Variants in PRDM15 observed in about 807,000 individuals in gnomAD.
PRDM15 encodes the protein PR/SET domain 15.
PRDM15 carries 64 observed loss-of-function variants against 128.6 expected under a neutral mutation model. The observed-to-expected ratio is 0.50, with a 90% CI of 0.41 to 0.61. The LOEUF is 0.61. Ranked by LOEUF, PRDM15 falls within the 20% of genes least tolerant of loss-of-function variation. The probability of loss-of-function intolerance (pLI) is 0.00; values close to 1 mark genes in which losing one functional copy is unlikely to be tolerated. For missense variants in PRDM15, 1,242 were observed against 1,569.1 expected (o/e 0.79, Z 3.52); for synonymous variants, 615 against 621.8 (o/e 0.99, Z 0.16).
chr21:41,869,919 C>G (rs1013201438), intron 1 of PRDM15, among the ~76,000 whole-genome samples: 2 of 152,258 alleles, frequency 1.3e-5, no homozygotes, highest in Non-Finnish European at 2.9e-5. Flanking sequence ...CCCACACTTA[C>G]GTGCATCTAT....
At chr21:41,878,582 G>C (rs1480891213) in intron 1 of PRDM15, 19 of 526,994 alleles carry the variant, frequency 3.6e-5, no homozygotes, top group African/African-American at 1.4e-4. Context: ...GTCCCCGAAC[G>C]GCCACCCACC....
intron 6 of PRDM15, among the ~76,000 whole-genome samples, chr21:41,843,968 A>G (rs557755462): frequency 0.068 from 10,192 of 150,852 alleles, 444 homozygotes; most frequent in African/African-American, 0.12. Context: ...AAAAAAAAAA[A>G]AAAGAAAGAA....
chr21:41,805,683 G>A (rs1299615659), intron 21 of PRDM15, among the ~76,000 whole-genome samples: 1 of 151,810 alleles, frequency 6.6e-6, no homozygotes, highest in Non-Finnish European at 1.5e-5. Flanking sequence ...CCAGACTGCT[G>A]TGGACGCACT....
chr21:41,834,146 C>A (rs1442724880), intron 11 of PRDM15, among the ~76,000 whole-genome samples: 1 of 152,166 alleles, frequency 6.6e-6, no homozygotes, highest in Non-Finnish European at 1.5e-5. Context: ...AGACATGGAT[C>A]CTTCAGAGCT....
At chr21:41,863,968 C>G (rs1242866578) in intron 1 of PRDM15, among the ~76,000 whole-genome samples, 1 of 152,058 alleles carries the variant, frequency 6.6e-6, no homozygotes, top group Admixed American at 6.6e-5. Flanking sequence ...CTCAGCCTCC[C>G]GAGTAGCTGG....
At chr21:41,860,690 G>A (rs1382823901) in intron 1 of PRDM15, among the ~76,000 whole-genome samples, 8 of 152,118 alleles carry the variant, frequency 5.3e-5, no homozygotes, top group Non-Finnish European at 1.2e-4. Flanking sequence ...GAAAGTGCTG[G>A]GATTACAGGT....
In PRDM15 at chr21:41,828,035, G is replaced by A; in HGVS notation, c.1534+131C>T. 1 of 843,190 alleles carries A rather than the reference G, an allele frequency of 1.2e-6. No individual in the cohort carries two copies. Among genetic ancestry groups the A allele is most frequent in the Non-Finnish European group, 1.9e-6 (1 of 535,602 alleles). The allele number at this position is 843,190 out of a possible 1,614,324, so 52.2% of individuals were successfully genotyped here. A position where few individuals can be genotyped will look rare whatever the true frequency, so the allele number is the denominator to read the frequency against. ...AGAGGATGAGCCCATCGGATGGCGG[G>A]CGTTTCCAGGCAAAGGAGCAGGCGG... On this transcript the variant is annotated intron_variant, in intron 12 of 23. Transcript: ENST00000398548. The surrounding 1 kb of genome is among the most constrained non-coding windows in gnomAD (Gnocchi z 5.7).
At chr21:41,873,141 C>T (rs2064274640) in intron 1 of PRDM15, among the ~76,000 whole-genome samples, 1 of 152,194 alleles carries the variant, frequency 6.6e-6, no homozygotes, top group South Asian at 2.1e-4. Flanking sequence ...GCATCCTGGG[C>T]CTCCCCTTCC....
chr21:41,812,432 T>C (rs1022378658), intron 19 of PRDM15: 1 of 151,864 alleles, frequency 6.6e-6, no homozygotes, highest in Non-Finnish European at 1.5e-5. Flanking sequence ...TGGAAACAGG[T>C]TTAATTAGAG....
At chr21:41,833,663 T>C in intron 11 of PRDM15, among the ~76,000 whole-genome samples, 1 of 152,320 alleles carries the variant, frequency 6.6e-6, no homozygotes, top group South Asian at 2.1e-4. Context: ...CTAGAACATC[T>C]CAGGGGAAGA....
At chr21:41,856,357 A>C (rs186678514) in intron 4 of PRDM15, among the ~76,000 whole-genome samples, 71 of 146,458 alleles carry the variant, frequency 4.8e-4, no homozygotes, top group Non-Finnish European at 8.5e-4. Context: ...TTTTTGCTGA[A>C]ATCTGCCTTA....
chr21:41,834,202 G>C (rs1195199154), intron 11 of PRDM15, among the ~76,000 whole-genome samples: 1 of 150,984 alleles, frequency 6.6e-6, no homozygotes, highest in African/African-American at 2.4e-5. Context: ...CCTCAGAACA[G>C]TCCAACCCCA....
In PRDM15 at chr21:41,821,828, T is replaced by C; in HGVS notation, c.1896+75A>G. 6.3e-7 allele frequency: 1 copy of C among 1,579,282 alleles called. No homozygotes were observed. Among genetic ancestry groups the C allele is most frequent in the South Asian group, 1.1e-5 (1 of 90,074 alleles). On this transcript the variant is annotated intron_variant, in intron 15 of 23. Coordinates refer to ENST00000398548, the MANE Select transcript of PRDM15 (RefSeq NM_001040424.3). The surrounding 1 kb of genome is among the most constrained non-coding windows in gnomAD (Gnocchi z 5.4). The stretch of plus-strand genomic sequence containing the variant: ...CCGAGATGCATGAAGGTGCCTGCTG[T>C]GTGGGGCCCACAGCCTTGAAACGAC...
chr21:41,842,278 AT>A (rs1329529757), intron 6 of PRDM15, among the ~76,000 whole-genome samples: 2 of 152,164 alleles, frequency 1.3e-5, no homozygotes, highest in Non-Finnish European at 2.9e-5. Context: ...TCACCTTTCC[AT>A]TTTTTAGTAT....
At chr21:41,819,976 G>A (rs1339255466) in intron 17 of PRDM15, 119 bp downstream of exon 17, 2 of 871,852 alleles carry the variant, frequency 2.3e-6, no homozygotes, top group African/African-American at 3.3e-5. Context: ...AACAGAGGAA[G>A]GCATGGGGGA....
intron 22 of PRDM15, 68 bp downstream of exon 22, chr21:41,804,466 T>C: frequency 8.0e-7 from 1 of 1,255,320 alleles, no homozygotes; most frequent in East Asian, 2.5e-5. Context: ...TCCAAGCCCC[T>C]CTGGTCCCTT....
rs755727702 is a variant in PRDM15, at chr21:41,843,737, T to C, written c.640+3353A>G. On this transcript the variant is annotated intron_variant, in intron 6 of 23. Transcript: ENST00000398548. ...AGTATGGGTGGCAATGTCCCTGCCA[T>C]GTGGGCCTGTCTGGGACAGCCTTGT... is the stretch of plus-strand genomic sequence containing the variant. Among the ~76,000 whole-genome samples the C allele has an allele frequency of 1.3e-3, 196 of 152,216 alleles. 1 individual carries two copies. The highest frequency in any genetic ancestry group is 2.3e-3 in the Non-Finnish European group (156 of 67,976).
intron 18 of PRDM15, among the ~76,000 whole-genome samples, chr21:41,816,091 G>A (rs1027129044): frequency 2.6e-5 from 4 of 152,356 alleles, no homozygotes; most frequent in South Asian, 2.1e-4. Flanking sequence ...CTGACCACGC[G>A]AGCAACGCCG....
chr21:41,838,484 T>C (rs8127857), intron 7 of PRDM15, among the ~76,000 whole-genome samples: 41,563 of 152,062 alleles, frequency 0.27, 5,872 homozygotes, highest in African/African-American at 0.31. Context: ...AACCATTTTG[T>C]ATAAGAGTTA....
Sources: allele counts gnomAD v4.1 joint callset (sites outside exome capture counted in the v4.1 genomes callset), GRCh38; gene constraint gnomAD v4.1.1; non-coding constraint Gnocchi (gnomAD v3.1); transcripts MANE v1.5; gene names NCBI Gene and HGNC (gene_info 2026-07-23, HGNC 2026-07-21).